The following DLC1 variants were observed in gnomAD, a reference collection of about 807,000 sequenced individuals.
DLC1 encodes the protein rho GTPase-activating protein 7.
Under a neutral mutation model 140.3 loss-of-function variants are expected in DLC1, and 54 were observed. The observed-to-expected ratio is 0.38, with a 90% CI of 0.31 to 0.48. The LOEUF (loss-of-function observed/expected upper bound fraction) is 0.48, where lower values mean the gene tolerates loss of function less well. Among genes scored for constraint, DLC1 ranks in the 20% least tolerant of loss-of-function variants. The pLI is 0.96. For missense variants in DLC1, 2,536 were observed against 1,907.0 expected, an observed-to-expected ratio of 1.33 and a Z score of -6.14; for synonymous variants, 986 against 728.1, an observed-to-expected ratio of 1.35 and a Z score of -5.70.
At chr8:13,244,425 G>C (rs1262986753) in intron 5 of DLC1, among the ~76,000 whole-genome samples, 1 of 151,774 alleles carries the variant, frequency 6.6e-6, no homozygotes. Context: ...AGCCTCCAGA[G>C]TGGCTGGGAC....
chr8:13,269,892 C>G (rs1249472551), intron 5 of DLC1, among the ~76,000 whole-genome samples: 2 of 130,954 alleles, frequency 1.5e-5, no homozygotes, highest in Non-Finnish European at 3.3e-5. Context: ...CCCGTCTCTA[C>G]TAAAAATACA....
In DLC1 at chr8:13,114,666, G is replaced by C. The variant is rs144428607; in HGVS notation, c.1420+920C>G. The stretch of plus-strand genomic sequence containing the variant: ...TATCTGCAACACGTGACCAATGAAA[G>C]ATTAGTATTTAGAATAAAAAGAGCC... On this transcript the variant is annotated intron_variant, in intron 6 of 17. Coordinates refer to ENST00000276297, the MANE Select transcript of DLC1 (RefSeq NM_182643.3). 4.0e-3 allele frequency among the ~76,000 whole-genome samples: 613 copies of C among 152,190 alleles called. 2 individuals carry two copies. Among genetic ancestry groups the C allele is most frequent in the Non-Finnish European group, 6.2e-3 (419 of 68,014 alleles).
chr8:13,391,278 A>T (rs527781861), intron 4 of DLC1, among the ~76,000 whole-genome samples: 73 of 152,186 alleles, frequency 4.8e-4, no homozygotes, highest in Non-Finnish European at 9.6e-4. Flanking sequence ...ACTGCATGAC[A>T]ATTCTCATGG....
intron 1 of DLC1, among the ~76,000 whole-genome samples, chr8:13,503,111 G>C (rs897181418): frequency 3.9e-5 from 6 of 152,176 alleles, no homozygotes; most frequent in Non-Finnish European, 7.3e-5. Flanking sequence ...ATACATTAAA[G>C]TTGAACAAAA....
intron 5 of DLC1, among the ~76,000 whole-genome samples, chr8:13,284,449 C>G (rs1163641775): frequency 6.6e-6 from 1 of 152,122 alleles, no homozygotes; most frequent in Non-Finnish European, 1.5e-5. Flanking sequence ...ATTGCTTAAA[C>G]CCGGGAGGCA....
intron 1 of DLC1, among the ~76,000 whole-genome samples, chr8:13,523,237 G>C (rs915221203): frequency 1.2e-4 from 19 of 152,166 alleles, no homozygotes; most frequent in African/African-American, 4.3e-4. Context: ...AAGGTAATGA[G>C]AAATATCAGA....
intron 2 of DLC1, among the ~76,000 whole-genome samples, chr8:13,468,189 T>C (rs1371743248): frequency 1.3e-5 from 2 of 152,226 alleles, no homozygotes; most frequent in Admixed American, 1.3e-4. Context: ...AGCTAAGTAA[T>C]ACTTTTCCAG....
chr8:13,221,687 T>A (rs1344258916), intron 5 of DLC1, among the ~76,000 whole-genome samples: 1 of 137,036 alleles, frequency 7.3e-6, no homozygotes, highest in African/African-American at 2.8e-5. Context: ...ATTTTGTGTG[T>A]GTGTGTGTGT....
At chr8:13,114,980 A>G (rs1036867789) in intron 6 of DLC1, among the ~76,000 whole-genome samples, 1 of 152,248 alleles carries the variant, frequency 6.6e-6, no homozygotes, top group Non-Finnish European at 1.5e-5. Flanking sequence ...CTAGGGATAG[A>G]AGCAAGATGA....
At chr8:13,263,623 T>A (rs1830556666) in intron 5 of DLC1, among the ~76,000 whole-genome samples, 1 of 150,970 alleles carries the variant, frequency 6.6e-6, no homozygotes, top group Non-Finnish European at 1.5e-5. Context: ...TATGTGCATG[T>A]ATATATAAAT....
chr8:13,541,685 G>T (rs1257209678), intron 1 of DLC1, among the ~76,000 whole-genome samples: 1 of 152,102 alleles, frequency 6.6e-6, no homozygotes, highest in Admixed American at 6.5e-5. Context: ...GAGTAGCTGG[G>T]ACTACAGGCG....
chr8:13,144,662 G>T (rs1823285378), intron 5 of DLC1, among the ~76,000 whole-genome samples: 1 of 152,188 alleles, frequency 6.6e-6, no homozygotes, highest in South Asian at 2.1e-4. Context: ...CTACTCGGGA[G>T]GCTGAGGCAG....
At chr8:13,463,397 G>T (rs534010723) in intron 2 of DLC1, among the ~76,000 whole-genome samples, 4 of 152,196 alleles carry the variant, frequency 2.6e-5, no homozygotes, top group Admixed American at 2.0e-4. Flanking sequence ...GACCTGTTAG[G>T]ACATGGAGTA....
At chr8:13,257,734 AC>A (rs762703117) in intron 5 of DLC1, among the ~76,000 whole-genome samples, 1 of 146,252 alleles carries the variant, frequency 6.8e-6, no homozygotes, top group African/African-American at 2.5e-5. Context: ...AAAAAAAAAA[AC>A]CATAAACACA....
intron 5 of DLC1, among the ~76,000 whole-genome samples, chr8:13,288,892 T>C (rs11991709): frequency 0.019 from 2,960 of 152,264 alleles, 90 homozygotes; most frequent in African/African-American, 0.067. Flanking sequence ...AAGCTAAAGG[T>C]TGTGGACTTA....
chr8:13,403,347 T>C (rs1385088729), intron 2 of DLC1, among the ~76,000 whole-genome samples: 3 of 152,252 alleles, frequency 2.0e-5, no homozygotes, highest in African/African-American at 7.2e-5. Context: ...AGAAGTGTTA[T>C]TGATAGTATG....
intron 1 of DLC1, among the ~76,000 whole-genome samples, chr8:13,596,321 G>GA (rs1805679379): frequency 6.6e-6 from 1 of 151,908 alleles, no homozygotes; most frequent in South Asian, 2.1e-4. Context: ...TTTAAGGAGG[G>GA]AAAAGTAGCT....
At chr8:13,479,826 G>GAGAAAAAGAAAGAAAGAAAGA (rs1563383379) in intron 2 of DLC1, among the ~76,000 whole-genome samples, 2 of 37,414 alleles carry the variant, frequency 5.3e-5, no homozygotes, top group Non-Finnish European at 1.6e-4. Flanking sequence ...AGAAGAAGAA[G>GAGAAAAAGAAAGAAAGAAAGA]AAGAAGAAGA....
At chr8:13,286,318 T>C (rs1181168498) in intron 5 of DLC1, among the ~76,000 whole-genome samples, 1 of 152,170 alleles carries the variant, frequency 6.6e-6, no homozygotes, top group Non-Finnish European at 1.5e-5. Flanking sequence ...TAAGGAATGA[T>C]CACTGGCTTG....
Sources: allele counts gnomAD v4.1 joint callset (sites outside exome capture counted in the v4.1 genomes callset), GRCh38; gene constraint gnomAD v4.1.1; transcripts MANE v1.5; gene names NCBI Gene and HGNC (gene_info 2026-07-23, HGNC 2026-07-21).